The following XKR4 variants were observed in gnomAD, a reference collection of about 807,000 sequenced individuals.
XKR4 encodes the protein XK-related protein 4.
XKR4 carries 12 observed loss-of-function variants against 53.9 expected under a neutral mutation model. That is an observed-to-expected ratio of 0.22 (90% CI 0.14 to 0.36). The LOEUF (loss-of-function observed/expected upper bound fraction) is 0.36, where lower values mean the gene tolerates loss of function less well. XKR4 is among the 10% of genes least tolerant of loss of function. The pLI is 1.00. For missense variants in XKR4, 799 were observed against 859.5 expected, an observed-to-expected ratio of 0.93 and a Z score of 0.88; for synonymous variants, 354 against 362.4, an observed-to-expected ratio of 0.98 and a Z score of 0.26.
intron 1 of XKR4, among the ~76,000 whole-genome samples, chr8:55,265,441 G>A (rs982165630): frequency 6.6e-6 from 1 of 152,146 alleles, no homozygotes; most frequent in Non-Finnish European, 1.5e-5. Flanking sequence ...TTCCAAACTT[G>A]GTCCCTCAGC....
chr8:55,459,290 G>A (rs1055119702), intron 2 of XKR4, among the ~76,000 whole-genome samples: 2 of 152,058 alleles, frequency 1.3e-5, no homozygotes, highest in African/African-American at 4.8e-5. Flanking sequence ...ATAGAACATA[G>A]ACCTAAATGT....
At chr8:55,282,673 A>G (rs1369376265) in intron 1 of XKR4, among the ~76,000 whole-genome samples, 1 of 152,068 alleles carries the variant, frequency 6.6e-6, no homozygotes, top group African/African-American at 2.4e-5. Flanking sequence ...CACTTGTCCT[A>G]CCTCCAACAT....
chr8:55,243,921 A>T (rs952747197), intron 1 of XKR4, among the ~76,000 whole-genome samples: 6 of 152,222 alleles, frequency 3.9e-5, no homozygotes, highest in African/African-American at 1.2e-4. Context: ...GCCGCACACA[A>T]TAAACACTAA....
intron 2 of XKR4, among the ~76,000 whole-genome samples, chr8:55,473,272 A>G (rs1805917710): frequency 6.6e-6 from 1 of 152,184 alleles, no homozygotes; most frequent in Non-Finnish European, 1.5e-5. Flanking sequence ...TGAAGGAAGT[A>G]GGAAAGTGTT....
At chr8:55,420,420 ATGTGGC>A (rs1475632869) in intron 2 of XKR4, among the ~76,000 whole-genome samples, 1 of 151,442 alleles carries the variant, frequency 6.6e-6, no homozygotes, top group African/African-American at 2.5e-5. Flanking sequence ...GATTAAGAAA[ATGTGGC>A]ACATATACAC....
At chr8:55,239,380 A>G (rs1294538521) in intron 1 of XKR4, among the ~76,000 whole-genome samples, 1 of 152,230 alleles carries the variant, frequency 6.6e-6, no homozygotes, top group Non-Finnish European at 1.5e-5. Context: ...ATACTTTTTT[A>G]TATGCAAAAG....
At chr8:55,367,399 G>C (rs550771136) in intron 2 of XKR4, among the ~76,000 whole-genome samples, 2 of 152,234 alleles carry the variant, frequency 1.3e-5, no homozygotes, top group South Asian at 4.1e-4. Flanking sequence ...TTTGTTTTCA[G>C]CTTAGGAGTA....
rs752342446 is a variant in XKR4, at chr8:55,524,955, C to A, written c.*728C>A. The A allele has an allele frequency of 6.6e-6, 1 of 152,570 alleles. No individual in the cohort carries two copies. The highest frequency in any genetic ancestry group is 6.5e-5 in the Admixed American group (1 of 15,268). The allele number at this position is 152,570 out of a possible 1,614,324, so 9.5% of individuals were successfully genotyped here. Reference sequence around the variant, plus strand: ...ACAGAAATCCTATGCAGCCCATGTACGGCTTTCAACAAGACCAAGGAGCTC... The same window carrying A: ...ACAGAAATCCTATGCAGCCCATGTAAGGCTTTCAACAAGACCAAGGAGCTC... On this transcript the variant is annotated 3_prime_UTR_variant, in exon 3 of 3. Coordinates refer to ENST00000327381, the MANE Select transcript of XKR4 (RefSeq NM_052898.2).
chr8:55,231,846 G>A (rs1398146694), intron 1 of XKR4, among the ~76,000 whole-genome samples: 1 of 152,132 alleles, frequency 6.6e-6, no homozygotes, highest in Non-Finnish European at 1.5e-5. Flanking sequence ...CTCTTAAATT[G>A]GAGAGATTCC....
intron 1 of XKR4, among the ~76,000 whole-genome samples, chr8:55,309,875 A>T (rs1819363572): frequency 1.3e-5 from 2 of 152,248 alleles, no homozygotes. Context: ...CGCTTGGTAC[A>T]CTAGCTCCCT....
At chr8:55,452,935 C>T in intron 2 of XKR4, 1 of 787,226 alleles carries the variant, frequency 1.3e-6, no homozygotes, top group Non-Finnish European at 2.3e-6. Context: ...GTGCTCTCCT[C>T]CTTCTGCATC....
At chr8:55,191,195 C>T (rs1340928132) in intron 1 of XKR4, among the ~76,000 whole-genome samples, 1 of 152,066 alleles carries the variant, frequency 6.6e-6, no homozygotes, top group Non-Finnish European at 1.5e-5. Context: ...GGATAAAGAC[C>T]ACCTCCACCT....
intron 2 of XKR4, among the ~76,000 whole-genome samples, chr8:55,508,972 T>G (rs1806583475): frequency 6.6e-6 from 1 of 152,236 alleles, no homozygotes; most frequent in Non-Finnish European, 1.5e-5. Flanking sequence ...GAAGCCAACT[T>G]AAGTATATAA....
chr8:55,390,630 AC>A (rs1319311861), intron 2 of XKR4, among the ~76,000 whole-genome samples: 1 of 152,228 alleles, frequency 6.6e-6, no homozygotes, highest in East Asian at 1.9e-4. Flanking sequence ...AGTACTGGGC[AC>A]TTTGGTGTTA....
intron 1 of XKR4, among the ~76,000 whole-genome samples, chr8:55,145,445 A>G (rs1434464407): frequency 2.0e-5 from 3 of 150,554 alleles, no homozygotes; most frequent in Admixed American, 6.6e-5. Flanking sequence ...AAAAAAATGT[A>G]ATTTCCCTAA....
rs1291631781 is a variant in XKR4 at position 55,528,851 on chromosome 8, C to T, written c.*4624C>T. On this transcript the variant is annotated 3_prime_UTR_variant, in exon 3 of 3. Transcript: ENST00000327381. ...CTGATGCTCCAGTGTTTCAAAATGG[C>T]CAAGGATGGGCGATTCCGCTCTATC... The T allele has an allele frequency of 2.0e-5, 3 of 151,906 alleles. No homozygotes were observed. The highest frequency in any genetic ancestry group is 4.8e-5 in the African/African-American group (2 of 41,330). 9.4% of individuals were successfully genotyped at this position (151,906 alleles called of 1,614,324 possible).
chr8:55,227,023 C>G lies in XKR4; in HGVS notation c.806+123729C>G, dbSNP rs74901775. 8.0e-4 allele frequency among the ~76,000 whole-genome samples: 122 copies of G among 152,290 alleles called. 1 individual carries two copies. Among genetic ancestry groups the G allele is most frequent in the Non-Finnish European group, 1.6e-3 (106 of 68,020 alleles). On this transcript the variant is annotated intron_variant, in intron 1 of 2. Coordinates refer to ENST00000327381, the MANE Select transcript of XKR4 (RefSeq NM_052898.2). The stretch of plus-strand genomic sequence containing the variant: ...TTACCTGTGTACTCCCAGGCATGCT[C>G]TCATTCAAGAAGTCCTCTGGAATAC...
intron 1 of XKR4, among the ~76,000 whole-genome samples, chr8:55,250,913 T>G (rs1022847706): frequency 6.6e-6 from 1 of 152,210 alleles, no homozygotes; most frequent in African/African-American, 2.4e-5. Context: ...TGTTAGACCA[T>G]TTTCAGTGGT....
chr8:55,127,565 C>CTTT (rs35320407), intron 1 of XKR4, among the ~76,000 whole-genome samples: 39 of 145,404 alleles, frequency 2.7e-4, no homozygotes, highest in Middle Eastern at 3.5e-3. Flanking sequence ...GTGCCTAACT[C>CTTT]TTTTTTTTTT....
Sources: gnomAD v4.1 joint callset for allele counts (sites outside exome capture counted in the v4.1 genomes callset) on GRCh38, gnomAD v4.1.1 for gene constraint, MANE v1.5 for transcripts, NCBI Gene and HGNC (gene_info 2026-07-23, HGNC 2026-07-21) for gene names.